The following GNG2 variants were observed in gnomAD, a reference collection of about 807,000 sequenced individuals.
GNG2 encodes G protein subunit gamma 2, also known as guanine nucleotide-binding protein G(I)/G(S)/G(O) subunit gamma-2.
GNG2 carries 5 observed loss-of-function variants against 5.5 expected under a neutral mutation model. The ratio of observed to expected loss-of-function variants is 0.91; its 90% CI spans 0.48 to 1.92. The LOEUF (loss-of-function observed/expected upper bound fraction) is 1.92, where lower values mean the gene tolerates loss of function less well. GNG2 is among the 30% of genes most tolerant of loss of function. GNG2 has a pLI of 0.01. For missense variants in GNG2, 55 were observed against 88.4 expected (o/e 0.62, Z 1.52); for synonymous variants, 28 against 32.0 (o/e 0.88, Z 0.42).
intron 2 of GNG2, among the ~76,000 whole-genome samples, chr14:51,832,099 G>C (rs1199135446): frequency 6.6e-6 from 1 of 151,726 alleles, no homozygotes; most frequent in Non-Finnish European, 1.5e-5. Flanking sequence ...GGACAACATG[G>C]CGAGACCCTG....
chr14:51,910,511 A>T (rs1566680610), intron 2 of GNG2, among the ~76,000 whole-genome samples: 1 of 152,242 alleles, frequency 6.6e-6, no homozygotes, highest in Non-Finnish European at 1.5e-5. Context: ...AGTGACAGCC[A>T]CTGGGCAGGA....
upstream of GNG2, among the ~76,000 whole-genome samples, chr14:51,859,750 T>C (rs1445322795): frequency 1.3e-5 from 2 of 152,150 alleles, no homozygotes; most frequent in Non-Finnish European, 2.9e-5. Flanking sequence ...TTCTACGATA[T>C]TACCTCCTAA....
chr14:51,875,669 A>G (rs1456970843), intron 1 of GNG2, among the ~76,000 whole-genome samples: 1 of 151,188 alleles, frequency 6.6e-6, no homozygotes, highest in Non-Finnish European at 1.5e-5. Flanking sequence ...GTTAGTGCAT[A>G]TATATTAGAA....
At chr14:51,894,135 G>A (rs1187568949) in intron 2 of GNG2, among the ~76,000 whole-genome samples, 1 of 152,022 alleles carries the variant, frequency 6.6e-6, no homozygotes, top group Non-Finnish European at 1.5e-5. Context: ...AACAACCATT[G>A]AGATTCCAAT....
At chr14:51,883,035 G>GA (rs1030015785) in intron 2 of GNG2, among the ~76,000 whole-genome samples, 3 of 145,598 alleles carry the variant, frequency 2.1e-5, no homozygotes, top group Admixed American at 6.8e-5. Context: ...AAAAAAAAAA[G>GA]AAAAAAAAGA....
rs1003877298 is a variant in GNG2, at chr14:51,894,144, A to G, written c.-30+16487A>G. ...GGGGAAAACAACCATTGAGATTCCA[A>G]TTACAACTGCATTAAAATCATGTAT... On this transcript the variant is annotated intron_variant, in intron 2 of 3. Coordinates refer to ENST00000556766, the MANE Select transcript of GNG2 (RefSeq NM_053064.5). 3.3e-5 allele frequency among the ~76,000 whole-genome samples: 5 copies of G among 152,146 alleles called. No homozygotes were observed. The South Asian group carries it at 8.3e-4, about 25-fold the overall frequency.
intron 1 of GNG2, among the ~76,000 whole-genome samples, chr14:51,874,369 T>G (rs1210985009): frequency 1.4e-5 from 2 of 143,878 alleles, no homozygotes; most frequent in African/African-American, 5.2e-5. Flanking sequence ...AGGTTGCAGT[T>G]AGCCAAGATT....
At chr14:51,945,513 G>T (rs1469994628) in intron 2 of GNG2, among the ~76,000 whole-genome samples, 3 of 131,276 alleles carry the variant, frequency 2.3e-5, no homozygotes, top group African/African-American at 7.7e-5. Context: ...TAGAATGGTG[G>T]CTGCCAGGGG....
At chr14:51,940,699 A>G (rs994562191) in intron 2 of GNG2, among the ~76,000 whole-genome samples, 1 of 152,208 alleles carries the variant, frequency 6.6e-6, no homozygotes, top group Non-Finnish European at 1.5e-5. Context: ...AAGTGTCCCA[A>G]TAAATCTTTA....
chr14:51,962,604 G>A (rs952579192), intron 3 of GNG2, among the ~76,000 whole-genome samples: 1 of 152,118 alleles, frequency 6.6e-6, no homozygotes, highest in African/African-American at 2.4e-5. Flanking sequence ...TAATCACAAA[G>A]AGAGAAGACT....
chr14:51,846,294 A>G (rs1376459792), intron 2 of GNG2, among the ~76,000 whole-genome samples: 1 of 152,180 alleles, frequency 6.6e-6, no homozygotes, highest in Non-Finnish European at 1.5e-5. Flanking sequence ...TTTTTCACAC[A>G]CAAGTTCTCA....
intron 2 of GNG2, among the ~76,000 whole-genome samples, chr14:51,936,590 G>A (rs752576643): frequency 2.0e-5 from 3 of 149,574 alleles, no homozygotes; most frequent in Non-Finnish European, 3.0e-5. Context: ...TCACTCTGTG[G>A]CCCAGGCTGG....
intron 2 of GNG2, among the ~76,000 whole-genome samples, chr14:51,846,472 A>C (rs1881631751): frequency 6.6e-6 from 1 of 152,236 alleles, no homozygotes; most frequent in South Asian, 2.1e-4. Context: ...GGATAGAAGT[A>C]AAAATTCAAC....
intron 2 of GNG2, among the ~76,000 whole-genome samples, chr14:51,900,208 G>T (rs543597864): frequency 6.6e-6 from 1 of 152,108 alleles, no homozygotes; most frequent in Non-Finnish European, 1.5e-5. Flanking sequence ...ATTCTGAAAG[G>T]TGTGAGGTGA....
chr14:51,836,471 G>C (rs1459856356), intron 2 of GNG2, among the ~76,000 whole-genome samples: 1 of 151,858 alleles, frequency 6.6e-6, no homozygotes, highest in Non-Finnish European at 1.5e-5. Flanking sequence ...TTGCTTTGAG[G>C]GTTAAATAAA....
At chr14:51,906,865 C>T (rs1433524775) in intron 2 of GNG2, among the ~76,000 whole-genome samples, 1 of 148,034 alleles carries the variant, frequency 6.8e-6, no homozygotes, top group Non-Finnish European at 1.5e-5. Context: ...ACGCCATTCT[C>T]CTGCCTCAGC....
chr14:51,900,018 T>C (rs1885446953), intron 2 of GNG2, among the ~76,000 whole-genome samples: 1 of 152,220 alleles, frequency 6.6e-6, no homozygotes, highest in Non-Finnish European at 1.5e-5. Flanking sequence ...TTCTTTCATG[T>C]ATATACTCAG....
At chr14:51,836,721 A>AC (rs1376918894) in intron 2 of GNG2, among the ~76,000 whole-genome samples, 4 of 152,116 alleles carry the variant, frequency 2.6e-5, no homozygotes, top group African/African-American at 9.7e-5. Context: ...GGAAAAAAAA[A>AC]ATCATAAGGC....
intron 2 of GNG2, among the ~76,000 whole-genome samples, chr14:51,849,202 A>G (rs1445265162): frequency 6.6e-6 from 1 of 152,172 alleles, no homozygotes; most frequent in Non-Finnish European, 1.5e-5. Context: ...GGTTGTTGAC[A>G]GGAGACCTAA....
Sources: gnomAD v4.1 joint callset for allele counts (sites outside exome capture counted in the v4.1 genomes callset) on GRCh38, gnomAD v4.1.1 for gene constraint, MANE v1.5 for transcripts, NCBI Gene and HGNC (gene_info 2026-07-23, HGNC 2026-07-21) for gene names.